The following FCF1 variants were observed in gnomAD, a reference collection of about 807,000 sequenced individuals.
FCF1 encodes the protein rRNA-processing protein FCF1 homolog.
A neutral mutation model predicts 32.5 loss-of-function variants in FCF1; 17 were observed. The ratio of observed to expected loss-of-function variants is 0.52; its 90% confidence interval spans 0.36 to 0.78. The LOEUF (loss-of-function observed/expected upper bound fraction) is 0.78, where lower values mean the gene tolerates loss of function less well. Ranked by LOEUF, FCF1 falls within the 30% of genes least tolerant of loss-of-function variation. FCF1 has a pLI of 0.00. For missense variants in FCF1, 201 were observed against 241.1 expected (o/e 0.83, Z 1.10); for synonymous variants, 84 against 78.4 (o/e 1.07, Z -0.38).
chr14:74,734,036 C>A, intron 6 of FCF1, 40 bp from the exon 7 acceptor site: 1 of 1,310,488 alleles, frequency 7.6e-7, no homozygotes, highest in Non-Finnish European at 1.1e-6. Flanking sequence ...TAAGCGTGCT[C>A]AGTGACCTCA....
At chr14:74,722,729 G>A (rs896241435) in intron 4 of FCF1, among the ~76,000 whole-genome samples, 6 of 151,692 alleles carry the variant, frequency 4.0e-5, no homozygotes, top group African/African-American at 1.5e-4. Context: ...GATCCCAGGA[G>A]TTCAAGACAG....
At position 74,714,958 on chromosome 14, in the gene FCF1, G is replaced by A. The variant is rs1408374007; in HGVS notation, c.143+15G>A. 3 of 1,577,110 alleles carry A rather than the reference G, an allele frequency of 1.9e-6. No homozygotes were observed. Among genetic ancestry groups the A allele is most frequent in the Admixed American group, 2.0e-5 (1 of 49,070 alleles). ...GAAAGAGAAGTGTGAGTAATCAAAC[G>A]TTTGAAGTTTTCCTTTAAAACCATA... On this transcript the variant is annotated intron_variant, in intron 3 of 7. Coordinates refer to ENST00000341162, the MANE Select transcript of FCF1 (RefSeq NM_015962.5).
At chr14:74,718,938 C>T (rs1489422460) in intron 4 of FCF1, among the ~76,000 whole-genome samples, 2 of 151,392 alleles carry the variant, frequency 1.3e-5, no homozygotes, top group Admixed American at 6.6e-5. Context: ...GAGATCAGCC[C>T]GGCCAACATG....
chr14:74,722,168 C>T (rs960803893), intron 4 of FCF1, among the ~76,000 whole-genome samples: 1 of 151,462 alleles, frequency 6.6e-6, no homozygotes, highest in African/African-American at 2.4e-5. Context: ...CCTGCCTCAG[C>T]CTCCCAAGTA....
At position 74,717,934 on chromosome 14, in the gene FCF1, G is replaced by A. The variant is rs2090443451; in HGVS notation, c.292+1835G>A. 4.6e-5 allele frequency among the ~76,000 whole-genome samples: 7 copies of A among 152,102 alleles called. 1 individual carries two copies. In the South Asian group the frequency reaches 1.4e-3, roughly 31 times the overall value. ...TTGTCACCCAGGCTGGAGTGCGTTG[G>A]CGTGATCTCAGCTCACTGCGACCTC... is the stretch of plus-strand genomic sequence containing the variant. On this transcript the variant is annotated intron_variant, in intron 4 of 7. Transcript: ENST00000341162.
At chr14:74,734,794 T>G (rs2090685023) in intron 7 of FCF1, 88 bp from the exon 8 acceptor site, 2 of 982,572 alleles carry the variant, frequency 2.0e-6, no homozygotes, top group Non-Finnish European at 3.2e-6. Context: ...ACAGTGGGGG[T>G]GAGAGTATTG....
chr14:74,714,711 A>T (rs1217473112), intron 2 of FCF1, among the ~76,000 whole-genome samples, 161 bp from the exon 3 acceptor site: 2 of 151,804 alleles, frequency 1.3e-5, no homozygotes, highest in African/African-American at 2.4e-5. Context: ...CACTAGAGTT[A>T]TTTGCTCAGA....
intron 4 of FCF1, among the ~76,000 whole-genome samples, chr14:74,718,183 A>G (rs1443774782): frequency 6.6e-6 from 1 of 151,996 alleles, no homozygotes; most frequent in Non-Finnish European, 1.5e-5. Flanking sequence ...CTTTATACTT[A>G]AAGGAAGGCC....
At chr14:74,733,183 A>G (rs886248397) in intron 6 of FCF1, among the ~76,000 whole-genome samples, 14 of 152,196 alleles carry the variant, frequency 9.2e-5, no homozygotes, top group Non-Finnish European at 1.8e-4. Context: ...TTTTTGATGT[A>G]GGAATTTTGT....
intron 5 of FCF1, among the ~76,000 whole-genome samples, chr14:74,725,659 G>T (rs1245304631): frequency 1.3e-5 from 2 of 152,016 alleles, no homozygotes; most frequent in African/African-American, 4.8e-5. Flanking sequence ...GGCCAGCCAG[G>T]CGCAGTGGCT....
At chr14:74,722,828 C>T (rs1404739977) in intron 4 of FCF1, among the ~76,000 whole-genome samples, 2 of 151,430 alleles carry the variant, frequency 1.3e-5, no homozygotes, top group Non-Finnish European at 2.9e-5. Flanking sequence ...CTGTGGTCCT[C>T]GCTACTCGGG....
Position 74,735,025 on chromosome 14 carries a change from G to A in FCF1, c.*95G>A. 6 of 1,027,580 alleles carry A rather than the reference G, an allele frequency of 5.8e-6. No individual in the cohort carries two copies. Among genetic ancestry groups the A allele is most frequent in the Non-Finnish European group, 9.2e-6 (6 of 649,734 alleles). 63.7% of individuals were successfully genotyped at this position (1,027,580 alleles called of 1,614,324 possible). A position where few individuals can be genotyped will look rare whatever the true frequency, so the allele number is the denominator to read the frequency against. The stretch of plus-strand genomic sequence containing the variant: ...ATGTAGCGGGATTTTTAAGGAATCA[G>A]AGAGACTGATGGAGTTCAGGGAGAT... On this transcript the variant is annotated 3_prime_UTR_variant, in exon 8 of 8. Coordinates refer to ENST00000341162, the MANE Select transcript of FCF1 (RefSeq NM_015962.5).
chr14:74,721,163 G>C (rs2090496999), intron 4 of FCF1, among the ~76,000 whole-genome samples: 1 of 151,674 alleles, frequency 6.6e-6, no homozygotes, highest in African/African-American at 2.4e-5. Flanking sequence ...TCCTGCCTCA[G>C]CCTCCTGAGT....
Position 74,713,147 on chromosome 14 carries a change from GA to G in FCF1, c.-49del. The G allele has an allele frequency of 1.2e-6, 2 of 1,613,990 alleles. No homozygotes were observed. Among genetic ancestry groups the G allele is most frequent in the Non-Finnish European group, 1.7e-6 (2 of 1,179,850 alleles). Reference sequence around the variant, plus strand: ...CCGGAAGCAGTATGTGAATGACGTAGAAGTATTGCGCCGTTGGTGATTACGG... The same window carrying G: ...CCGGAAGCAGTATGTGAATGACGTAGAGTATTGCGCCGTTGGTGATTACGG... On this transcript the variant is annotated 5_prime_UTR_variant, in exon 1 of 8. Coordinates refer to ENST00000341162, the MANE Select transcript of FCF1 (RefSeq NM_015962.5).
chr14:74,734,241 T>G lies in FCF1; in HGVS notation c.548+71T>G, dbSNP rs2090676727. 4 of 875,696 alleles carry G rather than the reference T, an allele frequency of 4.6e-6. No individual in the cohort carries two copies. The Admixed American group carries it at 6.0e-5, about 13-fold the overall frequency. The allele number at this position is 875,696 out of a possible 1,614,324, so 54.2% of individuals were successfully genotyped here. ...ATCAATTGAAAATGAGGATAAGTGA[T>G]AAGGTTATAAAGGATTTGAAAGAAA... On this transcript the variant is annotated intron_variant, in intron 7 of 7. Coordinates refer to ENST00000341162, the MANE Select transcript of FCF1 (RefSeq NM_015962.5).
intron 4 of FCF1, among the ~76,000 whole-genome samples, chr14:74,717,929 C>T (rs2090443393): frequency 6.6e-6 from 1 of 152,082 alleles, no homozygotes; most frequent in Admixed American, 6.6e-5. Flanking sequence ...GGCTGGAGTG[C>T]GTTGGCGTGA....
chr14:74,735,011 T>C lies in FCF1; in HGVS notation c.*81T>C. On this transcript the variant is annotated 3_prime_UTR_variant, in exon 8 of 8. Coordinates refer to ENST00000341162, the MANE Select transcript of FCF1 (RefSeq NM_015962.5). Reference sequence around the variant, plus strand: ...GTTCATTACACAAAATGTAGCGGGATTTTTAAGGAATCAGAGAGACTGATG... The same window carrying C: ...GTTCATTACACAAAATGTAGCGGGACTTTTAAGGAATCAGAGAGACTGATG... 2 of 1,194,498 alleles carry C rather than the reference T, an allele frequency of 1.7e-6. No homozygotes were observed. The highest frequency in any genetic ancestry group is 2.5e-6 in the Non-Finnish European group (2 of 799,874). The allele number at this position is 1,194,498 out of a possible 1,614,324, so 74.0% of individuals were successfully genotyped here. A position where few individuals can be genotyped will look rare whatever the true frequency, so the allele number is the denominator to read the frequency against.
intron 5 of FCF1, among the ~76,000 whole-genome samples, chr14:74,724,371 C>T (rs993687888): frequency 2.0e-5 from 3 of 152,140 alleles, no homozygotes; most frequent in Non-Finnish European, 4.4e-5. Flanking sequence ...GCAGCCTCGA[C>T]CTCCTGGGCT....
rs745610737 is a variant in FCF1, at chr14:74,738,373, C to T, written c.*3443C>T. 2.6e-5 allele frequency: 4 copies of T among 152,082 alleles called. No individual in the cohort carries two copies. Among genetic ancestry groups the T allele is most frequent in the Admixed American group, 2.0e-4 (3 of 15,250 alleles). 9.4% of individuals were successfully genotyped at this position (152,082 alleles called of 1,614,324 possible). A position where few individuals can be genotyped will look rare whatever the true frequency, so the allele number is the denominator to read the frequency against. On this transcript the variant is annotated 3_prime_UTR_variant, in exon 8 of 8. Coordinates refer to ENST00000341162, the MANE Select transcript of FCF1 (RefSeq NM_015962.5). ...ATGTAAAGAAAAACGTGTTTATCAC[C>T]TTTGGATAGAATTCTTAAGCAGAAT...
Sources: allele counts gnomAD v4.1 joint callset (sites outside exome capture counted in the v4.1 genomes callset), GRCh38; gene constraint gnomAD v4.1.1; transcripts MANE v1.5; gene names NCBI Gene and HGNC (gene_info 2026-07-23, HGNC 2026-07-21).